The following CFAP299 variants were observed in gnomAD, a reference collection of about 807,000 sequenced individuals.
CFAP299 encodes the protein cilia- and flagella-associated protein 299.
Under a neutral mutation model 27.0 loss-of-function variants are expected in CFAP299, and 21 were observed. The ratio of observed to expected loss-of-function variants is 0.78; its 90% confidence interval spans 0.55 to 1.12. CFAP299 has a LOEUF of 1.12. Among genes scored for constraint, CFAP299 ranks in the 50% most tolerant of loss-of-function variants. CFAP299 has a pLI of 0.00. For synonymous variants in CFAP299, 104 were observed against 98.1 expected, an observed-to-expected ratio of 1.06 and a Z score of -0.36; for missense variants, 310 against 276.6, an observed-to-expected ratio of 1.12 and a Z score of -0.86.
chr4:80,436,157 GATGTAGCA>G (rs1327322331), intron 2 of CFAP299, among the ~76,000 whole-genome samples: 1 of 152,274 alleles, frequency 6.6e-6, no homozygotes, highest in East Asian at 1.9e-4. Flanking sequence ...CTTTCACAGT[GATGTAGCA>G]CCTGATTTTT....
At chr4:80,765,463 A>C (rs1165917033) in intron 3 of CFAP299, among the ~76,000 whole-genome samples, 3 of 152,210 alleles carry the variant, frequency 2.0e-5, no homozygotes, top group Admixed American at 6.5e-5. Context: ...ATAAAAATTT[A>C]CAAAACACAC....
chr4:80,400,050 G>C (rs1445112651), intron 2 of CFAP299, among the ~76,000 whole-genome samples: 1 of 152,038 alleles, frequency 6.6e-6, no homozygotes, highest in African/African-American at 2.4e-5. Context: ...TTGCCAACTT[G>C]TGATGTTATA....
At chr4:80,379,838 GT>G (rs907175158) in intron 2 of CFAP299, among the ~76,000 whole-genome samples, 3 of 151,924 alleles carry the variant, frequency 2.0e-5, no homozygotes, top group African/African-American at 7.3e-5. Flanking sequence ...CTTAGTTGAT[GT>G]TACAGGTTCA....
In CFAP299 at chr4:80,530,009, G is replaced by A. The variant is rs183710202; in HGVS notation, c.243-53084G>A. On this transcript the variant is annotated intron_variant, in intron 2 of 5. Transcript: ENST00000358105. ...GAGAAAAATAAATAACATGAGAGAT[G>A]AAATTGTATAAATTAACACATTGAA... is the stretch of plus-strand genomic sequence containing the variant. Among the ~76,000 whole-genome samples, 121 of 152,194 alleles carry A rather than the reference G, an allele frequency of 8.0e-4. 1 individual carries two copies. The highest frequency in any genetic ancestry group is 2.8e-3 in the African/African-American group (118 of 41,540).
At chr4:80,919,041 G>A (rs1185886365) in intron 4 of CFAP299, among the ~76,000 whole-genome samples, 1 of 152,056 alleles carries the variant, frequency 6.6e-6, no homozygotes, top group Non-Finnish European at 1.5e-5. Flanking sequence ...ATAACTTGCT[G>A]GGTTTGTAAG....
chr4:80,377,119 A>G (rs1442417698), intron 2 of CFAP299, among the ~76,000 whole-genome samples: 1 of 151,920 alleles, frequency 6.6e-6, no homozygotes, highest in Non-Finnish European at 1.5e-5. Context: ...ATTTTGATAA[A>G]CGCCAGTTTA....
chr4:80,505,966 T>C (rs921988531), intron 2 of CFAP299, among the ~76,000 whole-genome samples: 2 of 151,340 alleles, frequency 1.3e-5, no homozygotes, highest in Admixed American at 6.6e-5. Context: ...AGAGACTCTG[T>C]TTCTAATGTG....
chr4:80,637,038 T>C (rs933175044), intron 3 of CFAP299, among the ~76,000 whole-genome samples: 7 of 152,134 alleles, frequency 4.6e-5, no homozygotes, highest in African/African-American at 1.4e-4. Context: ...CCACTCTGAA[T>C]CAATAAATAA....
intron 2 of CFAP299, among the ~76,000 whole-genome samples, chr4:80,467,577 C>A (rs1729768167): frequency 1.3e-5 from 2 of 152,138 alleles, no homozygotes; most frequent in South Asian, 4.1e-4. Flanking sequence ...CACAGCTTCA[C>A]CTGGGTCCCT....
chr4:80,367,031 G>C lies in CFAP299; in HGVS notation c.242+4147G>C, dbSNP rs144160480. 1.6e-3 allele frequency among the ~76,000 whole-genome samples: 250 copies of C among 152,256 alleles called. 2 individuals carry two copies. The East Asian group carries it at 0.021, about 13-fold the overall frequency. ...ATCTATAGAGACAAGTAGATTCATG[G>C]TTTCCAAGGACTGGATGGAAGGGAG... is the stretch of plus-strand genomic sequence containing the variant. On this transcript the variant is annotated intron_variant, in intron 2 of 5. Transcript: ENST00000358105.
chr4:80,651,658 C>T (rs1196161342), intron 3 of CFAP299, among the ~76,000 whole-genome samples: 1 of 151,034 alleles, frequency 6.6e-6, no homozygotes, highest in Admixed American at 6.6e-5. Context: ...AGCCACCGTG[C>T]CCGGGCGAAT....
chr4:80,447,919 G>A (rs1728724679), intron 2 of CFAP299, among the ~76,000 whole-genome samples: 1 of 152,218 alleles, frequency 6.6e-6, no homozygotes, highest in African/African-American at 2.4e-5. Context: ...TATACCACTG[G>A]CTTTTTGAGA....
At chr4:80,432,812 G>A (rs926496934) in intron 2 of CFAP299, among the ~76,000 whole-genome samples, 5 of 152,036 alleles carry the variant, frequency 3.3e-5, no homozygotes, top group Non-Finnish European at 5.9e-5. Flanking sequence ...GTGAGCCACC[G>A]TGCCCGGCCT....
intron 2 of CFAP299, among the ~76,000 whole-genome samples, chr4:80,548,602 G>A (rs1397169142): frequency 4.6e-5 from 7 of 152,040 alleles, no homozygotes; most frequent in African/African-American, 1.7e-4. Context: ...ACAGATATAA[G>A]AAGCTCAGGT....
intron 2 of CFAP299, among the ~76,000 whole-genome samples, chr4:80,531,076 A>T (rs959353232): frequency 2.0e-5 from 3 of 152,170 alleles, no homozygotes; most frequent in African/African-American, 7.2e-5. Flanking sequence ...CTGTGTTGAG[A>T]GGCAGAGGAA....
intron 3 of CFAP299, among the ~76,000 whole-genome samples, chr4:80,822,700 C>G (rs1055188818): frequency 1.3e-5 from 2 of 152,058 alleles, no homozygotes; most frequent in Non-Finnish European, 2.9e-5. Flanking sequence ...CATGATGTAA[C>G]CAAGGACCCC....
chr4:80,886,555 TG>T (rs1474231822), intron 4 of CFAP299, among the ~76,000 whole-genome samples: 1 of 152,214 alleles, frequency 6.6e-6, no homozygotes, highest in Non-Finnish European at 1.5e-5. Context: ...ACAGCACGAT[TG>T]GGCTTGGGGC....
At chr4:80,388,820 C>T in intron 2 of CFAP299, 1 of 394,022 alleles carries the variant, frequency 2.5e-6, no homozygotes, top group South Asian at 5.7e-5. Flanking sequence ...TCTATTTCTT[C>T]TCTTCCAATC....
chr4:80,942,601 T>G (rs28585524), intron 4 of CFAP299, among the ~76,000 whole-genome samples: 37,005 of 152,118 alleles, frequency 0.24, 9,467 homozygotes, highest in African/African-American at 0.64. Flanking sequence ...AGAATCATGT[T>G]CTATACAAAT....
Sources: allele counts gnomAD v4.1 joint callset (sites outside exome capture counted in the v4.1 genomes callset), GRCh38; gene constraint gnomAD v4.1.1; transcripts MANE v1.5; gene names NCBI Gene and HGNC (gene_info 2026-07-23, HGNC 2026-07-21).